The following MGST1 variants were observed in gnomAD, a reference collection of about 807,000 sequenced individuals.
MGST1 encodes microsomal glutathione S-transferase 1.
Under a neutral mutation model 8.9 loss-of-function variants are expected in MGST1, and 5 were observed. The ratio of observed to expected loss-of-function variants is 0.56; its 90% confidence interval spans 0.29 to 1.19. The LOEUF is 1.19. Among genes scored for constraint, MGST1 ranks in the 50% most tolerant of loss-of-function variants. The pLI is 0.08. For missense variants in MGST1, 182 were observed against 187.4 expected, an observed-to-expected ratio of 0.97 and a Z score of 0.17; for synonymous variants, 54 against 67.8, an observed-to-expected ratio of 0.80 and a Z score of 1.00.
chr12:16,493,463 ACT>A (rs1168613393), intron 4 of MGST1, among the ~76,000 whole-genome samples: 2 of 151,948 alleles, frequency 1.3e-5, no homozygotes, highest in African/African-American at 4.8e-5. Context: ...AGTATAACAG[ACT>A]CTCCAAGTAA....
intron 4 of MGST1, among the ~76,000 whole-genome samples, chr12:16,561,760 G>C (rs1195649374): frequency 6.6e-6 from 1 of 152,150 alleles, no homozygotes; most frequent in African/African-American, 2.4e-5. Context: ...AAACAGTTGT[G>C]AGAATGGTTT....
At chr12:16,354,512 T>A in intron 2 of MGST1, 134 bp downstream of exon 2, 1 of 805,560 alleles carries the variant, frequency 1.2e-6, no homozygotes, top group Non-Finnish European at 1.9e-6. Context: ...AAGTATGCCA[T>A]CGTTTGGCAC....
chr12:16,558,379 A>T lies in MGST1; in HGVS notation n.483-31149A>T, dbSNP rs181465879. Among the ~76,000 whole-genome samples the T allele has an allele frequency of 2.0e-5, 3 of 152,218 alleles. No homozygotes were observed. In the East Asian group the frequency reaches 5.8e-4, roughly 29 times the overall value. On this transcript the variant is annotated intron_variant and non_coding_transcript_variant, in intron 4 of 4. Coordinates refer to the MGST1 transcript ENST00000538857. ...AGAAAAGCAATGACTTTATGATTCCATAATGGGAACTGCATGGTTACTGGC... is the reference window on the plus strand; with the variant it reads ...AGAAAAGCAATGACTTTATGATTCCTTAATGGGAACTGCATGGTTACTGGC...
chr12:16,463,431 G>T (rs984782161), intron 4 of MGST1, among the ~76,000 whole-genome samples: 1 of 133,952 alleles, frequency 7.5e-6, no homozygotes, highest in Non-Finnish European at 1.6e-5. Flanking sequence ...GGTAGTATAT[G>T]CTCTGGGGGT....
Position 16,503,511 on chromosome 12 carries a change from G to C in MGST1, n.483-86017G>C, listed in dbSNP as rs1040083444. Among the ~76,000 whole-genome samples the C allele has an allele frequency of 2.6e-5, 4 of 152,086 alleles. No individual in the cohort carries two copies. Among genetic ancestry groups the C allele is most frequent in the Non-Finnish European group, 5.9e-5 (4 of 68,032 alleles). ...AACTGCCTTTGTTATTAGGATGAAG[G>C]ATAAAGGACATGAACATTTTCTGTT... On this transcript the variant is annotated intron_variant and non_coding_transcript_variant, in intron 4 of 4. Transcript: ENST00000538857. This position sits in a 1 kb window ranked among gnomAD's most constrained non-coding sequence, Gnocchi z 4.8.
At chr12:16,510,478 A>G (rs1257916654) in intron 4 of MGST1, among the ~76,000 whole-genome samples, 3 of 152,182 alleles carry the variant, frequency 2.0e-5, no homozygotes, top group Non-Finnish European at 2.9e-5. Context: ...GCCTTAACAC[A>G]TTGTAATATT....
At chr12:16,556,909 T>C (rs1380909163) in intron 4 of MGST1, among the ~76,000 whole-genome samples, 2 of 152,194 alleles carry the variant, frequency 1.3e-5, no homozygotes, top group East Asian at 1.9e-4. Flanking sequence ...TTATGGCATG[T>C]AATAAATGAA....
chr12:16,529,905 A>G (rs1008453878), intron 4 of MGST1, among the ~76,000 whole-genome samples: 1 of 152,118 alleles, frequency 6.6e-6, no homozygotes, highest in East Asian at 1.9e-4. Flanking sequence ...ACTCTTTGGC[A>G]TAGCTCCAAT....
chr12:16,475,111 A>G (rs1941312881), intron 4 of MGST1, among the ~76,000 whole-genome samples: 1 of 152,210 alleles, frequency 6.6e-6, no homozygotes, highest in Non-Finnish European at 1.5e-5. Context: ...TGTGGATTAC[A>G]GCAGCAAATC....
At chr12:16,592,587 C>G (rs1943527397), downstream of MGST1, among the ~76,000 whole-genome samples, 1 of 151,878 alleles carries the variant, frequency 6.6e-6, no homozygotes, top group Admixed American at 6.6e-5. Flanking sequence ...CTCCTACCCA[C>G]CCAGGTAAAG....
At chr12:16,514,146 A>T (rs893466735) in intron 4 of MGST1, 5 of 365,492 alleles carry the variant, frequency 1.4e-5, no homozygotes, top group African/African-American at 1.1e-4. Context: ...TGGCAATGGT[A>T]ACAAGGATGC....
chr12:16,562,742 G>GGCAATCTGCATAATT (rs1183920931), intron 4 of MGST1, among the ~76,000 whole-genome samples: 1 of 152,152 alleles, frequency 6.6e-6, no homozygotes, highest in African/African-American at 2.4e-5. Context: ...GAAAATCTAT[G>GGCAATCTGCATAATT]GCAATCTGCA....
chr12:16,438,967 A>T (rs1941014547), downstream of MGST1, among the ~76,000 whole-genome samples: 2 of 151,908 alleles, frequency 1.3e-5, no homozygotes, highest in African/African-American at 4.8e-5. Context: ...TTCGTGGTGC[A>T]GATTTTTAAT....
At chr12:16,412,323 G>C (rs1940749182) in intron 1 of MGST1, among the ~76,000 whole-genome samples, 1 of 152,078 alleles carries the variant, frequency 6.6e-6, no homozygotes. Context: ...TAGTCTAACT[G>C]CTCCAATCAG....
chr12:16,515,950 C>T (rs1941611283), intron 4 of MGST1, among the ~76,000 whole-genome samples: 1 of 152,206 alleles, frequency 6.6e-6, no homozygotes, highest in African/African-American at 2.4e-5. Flanking sequence ...AAAGAACCAC[C>T]ATCTGCTCTA....
intron 4 of MGST1, among the ~76,000 whole-genome samples, chr12:16,552,648 T>C (rs895413175): frequency 6.6e-6 from 1 of 152,040 alleles, no homozygotes; most frequent in Non-Finnish European, 1.5e-5. Flanking sequence ...AATTGGTCTA[T>C]TTGTGGAATT....
At chr12:16,437,789 T>A (rs950482286) in exon 2 of MGST1, 1 of 151,688 alleles carries the variant, frequency 6.6e-6, no homozygotes, top group Non-Finnish European at 1.5e-5. Context: ...TGAAACAGAA[T>A]AAATGAAAAT....
At chr12:16,437,260 A>G (rs1462528254) in intron 1 of MGST1, 1 of 151,894 alleles carries the variant, frequency 6.6e-6, no homozygotes, top group Non-Finnish European at 1.5e-5. Context: ...AAATTTATAG[A>G]CCAGATTGTC....
chr12:16,504,621 G>A (rs968455095), intron 4 of MGST1, among the ~76,000 whole-genome samples: 37 of 152,266 alleles, frequency 2.4e-4, no homozygotes, highest in African/African-American at 7.0e-4. Flanking sequence ...AATGTGGGGC[G>A]TGGAGTGGGG....
Sources: gnomAD v4.1 joint callset for allele counts (sites outside exome capture counted in the v4.1 genomes callset) on GRCh38, gnomAD v4.1.1 for gene constraint, Gnocchi (gnomAD v3.1) non-coding constraint, MANE v1.5 for transcripts, NCBI Gene and HGNC (gene_info 2026-07-23, HGNC 2026-07-21) for gene names.